The following TOP1MT variants were observed in gnomAD, a reference collection of about 807,000 sequenced individuals.
The protein encoded by TOP1MT is DNA topoisomerase I, mitochondrial.
TOP1MT carries 80 observed loss-of-function variants against 73.9 expected under a neutral mutation model. The observed-to-expected ratio is 1.08, with a 90% confidence interval of 0.90 to 1.30. The LOEUF (loss-of-function observed/expected upper bound fraction) is 1.30, where lower values mean the gene tolerates loss of function less well. Among genes scored for constraint, TOP1MT ranks in the 50% most tolerant of loss-of-function variants. The pLI, the probability that TOP1MT is intolerant of heterozygous loss-of-function variation, is 0.00. For missense variants in TOP1MT, 815 were observed against 808.0 expected (o/e 1.01, Z -0.10); for synonymous variants, 338 against 326.4 (o/e 1.04, Z -0.38).
In TOP1MT at chr8:143,324,518, C is replaced by T. The variant is rs1200763452; in HGVS notation, c.783G>A (p.Lys261=). The T allele has an allele frequency of 3.7e-6, 6 of 1,613,896 alleles. No homozygotes were observed. The highest frequency in any genetic ancestry group is 1.7e-5 in the Admixed American group (1 of 60,008). Reference sequence around the variant, plus strand: ...TCGAGCAAGGGTTCAGCATGATGTACTTGATGGAGTTCTGAACGCTCTCGG... The same window carrying T: ...TCGAGCAAGGGTTCAGCATGATGTATTTGATGGAGTTCTGAACGCTCTCGG... ...AWTESVQNSI[K]YIMLNPCSKL... The change falls in exon 6 of 14, where the codon AAG becomes AAA. Residue 261 remains lysine (K), a synonymous_variant. Transcript: ENST00000329245.
intron 7 of TOP1MT, among the ~76,000 whole-genome samples, chr8:143,323,227 C>T (rs188053473): frequency 7.6e-6 from 1 of 130,872 alleles, no homozygotes; most frequent in Admixed American, 7.7e-5. Flanking sequence ...AGGCACGCCA[C>T]ACACAGGCAC....
upstream of TOP1MT, among the ~76,000 whole-genome samples, chr8:143,336,221 C>T (rs752087993): frequency 7.9e-5 from 12 of 152,110 alleles, no homozygotes; most frequent in Non-Finnish European, 1.6e-4. Context: ...CGGCTGGTCT[C>T]GAACTCCTGG....
chr8:143,347,688 GCAGCCAGC>G (rs36222627), upstream of TOP1MT, among the ~76,000 whole-genome samples: 87,782 of 149,874 alleles, frequency 0.59, 28,503 homozygotes, highest in South Asian at 0.81. Flanking sequence ...CAGCAGGCAG[GCAGCCAGC>G]CAGCCAGCCA....
upstream of TOP1MT, among the ~76,000 whole-genome samples, chr8:143,338,135 C>T (rs995896361): frequency 3.3e-5 from 5 of 152,180 alleles, no homozygotes; most frequent in Admixed American, 1.3e-4. Context: ...TTGTCTGCAA[C>T]GTGTCCTGCT....
At chr8:143,313,978 G>A (rs1282352481) in intron 12 of TOP1MT, among the ~76,000 whole-genome samples, 2 of 152,172 alleles carry the variant, frequency 1.3e-5, no homozygotes, top group African/African-American at 4.8e-5. Flanking sequence ...GACCTGAGCA[G>A]TCATTCTCCA....
chr8:143,321,502 CA>C, intron 7 of TOP1MT, 116 bp from the exon 8 acceptor site: 1 of 667,138 alleles, frequency 1.5e-6, no homozygotes. Context: ...ACACGCACGC[CA>C]CACACACGCA....
intron 1 of TOP1MT, chr8:143,333,876 C>T (rs1203654607): frequency 1.3e-5 from 2 of 152,544 alleles, no homozygotes; most frequent in African/African-American, 4.8e-5. Context: ...CCAGAACTCC[C>T]TCCTCCCAAG....
rs1235469326 is a variant in TOP1MT, at chr8:143,341,467, G to C, written c.29+1753C>G. Among the ~76,000 whole-genome samples, 1 of 152,230 alleles carries C rather than the reference G, an allele frequency of 6.6e-6. No individual in the cohort carries two copies. Among genetic ancestry groups the C allele is most frequent in the Non-Finnish European group, 1.5e-5 (1 of 68,030 alleles). On this transcript the variant is annotated intron_variant, in intron 2 of 5. Coordinates refer to the TOP1MT transcript ENST00000518007. This position sits in a 1 kb window ranked among gnomAD's most constrained non-coding sequence, Gnocchi z 4.1. Reference sequence around the variant, plus strand: ...GCCCAGAACAGAGAGCACACACCATGAGAGGGGCCACAGGGCCACAAACAT... The same window carrying C: ...GCCCAGAACAGAGAGCACACACCATCAGAGGGGCCACAGGGCCACAAACAT...
Position 143,315,715 on chromosome 8 carries a change from A to T in TOP1MT, c.1553+12T>A, listed in dbSNP as rs757764261. 8.1e-6 allele frequency: 13 copies of T among 1,612,180 alleles called. No individual in the cohort carries two copies. The Admixed American group carries it at 2.2e-4, about 27-fold the overall frequency. ...GCCCCGGGAGAAGGCGTCTGAGGGC[A>T]CGGGTACTCACCTCCTGGACTTGCC... On this transcript the variant is annotated intron_variant, in intron 12 of 13. Coordinates refer to ENST00000329245, the MANE Select transcript of TOP1MT (RefSeq NM_052963.3).
At chr8:143,310,556 T>C (rs1815984661) in intron 12 of TOP1MT, 2 of 203,806 alleles carry the variant, frequency 9.8e-6, no homozygotes, top group Admixed American at 1.2e-4. Flanking sequence ...AACACAAATG[T>C]CCTTTAACCT....
Position 143,342,662 on chromosome 8 carries a change from GAGACAGTCTCGCTCTATTATTA to G in TOP1MT, c.29+536_29+557del, listed in dbSNP as rs1208971006. 1.9e-3 allele frequency among the ~76,000 whole-genome samples: 55 copies of G among 28,840 alleles called. 5 individuals are homozygous for G. Among genetic ancestry groups the G allele is most frequent in the African/African-American group, 2.3e-3 (14 of 6,080 alleles). The allele number at this position is 28,840 out of a possible 152,430, so 18.9% of individuals were successfully genotyped here. On this transcript the variant is annotated intron_variant, in intron 2 of 5. Transcript: ENST00000518007. ...CGCTCTATTATTATTATTATTATTA[GAGACAGTCTCGCTCTATTATTA>G]TTATTATTATTAGAGACAGAGTCTC... is the stretch of plus-strand genomic sequence containing the variant.
chr8:143,327,116 G>A (rs1816728594), intron 3 of TOP1MT, among the ~76,000 whole-genome samples: 1 of 152,218 alleles, frequency 6.6e-6, no homozygotes, highest in South Asian at 2.1e-4. Flanking sequence ...GTCCTGTGGT[G>A]CTGGGGATTC....
intron 2 of TOP1MT, 107 bp from the exon 3 acceptor site, chr8:143,329,578 G>A (rs1346577597): frequency 4.4e-6 from 6 of 1,371,372 alleles, no homozygotes; most frequent in Non-Finnish European, 4.9e-6. Context: ...ACTATGCCAA[G>A]AGCAAGAAGC....
intron 13 of TOP1MT, 100 bp downstream of exon 13, chr8:143,309,968 A>T: frequency 1.3e-6 from 2 of 1,597,186 alleles, no homozygotes; most frequent in Non-Finnish European, 8.5e-7. Context: ...ACCCCAGGGG[A>T]CACGGGACAA....
chr8:143,315,348 C>T (rs189693600), intron 12 of TOP1MT, among the ~76,000 whole-genome samples: 34 of 152,272 alleles, frequency 2.2e-4, no homozygotes, highest in South Asian at 6.2e-4. Context: ...GAAATAATGG[C>T]GTAAACTGTT....
At chr8:143,336,018 C>T (rs1816976151), upstream of TOP1MT, among the ~76,000 whole-genome samples, 1 of 152,234 alleles carries the variant, frequency 6.6e-6, no homozygotes, top group African/African-American at 2.4e-5. Context: ...GCCACCTCCT[C>T]CCAGGGGCTG....
intron 1 of TOP1MT, chr8:143,332,501 A>C (rs1177168454): frequency 7.8e-7 from 1 of 1,289,354 alleles, no homozygotes; most frequent in Non-Finnish European, 1.0e-6. Context: ...CAGAGCCAGG[A>C]GACCTGCACG....
intron 8 of TOP1MT, among the ~76,000 whole-genome samples, chr8:143,320,016 C>T (rs1036407429): frequency 3.4e-4 from 52 of 151,668 alleles, no homozygotes; most frequent in African/African-American, 1.1e-3. Context: ...CCCAGCTACT[C>T]GGGAGGCTGA....
chr8:143,336,759 GA>G (rs1457840160), upstream of TOP1MT, among the ~76,000 whole-genome samples: 14 of 152,108 alleles, frequency 9.2e-5, no homozygotes, highest in Admixed American at 9.2e-4. Context: ...AAAGCAAGTG[GA>G]TCACTTGAGC....
Sources: allele counts gnomAD v4.1 joint callset (sites outside exome capture counted in the v4.1 genomes callset), GRCh38; gene constraint gnomAD v4.1.1; non-coding constraint Gnocchi (gnomAD v3.1); transcripts MANE v1.5; gene names NCBI Gene and HGNC (gene_info 2026-07-23, HGNC 2026-07-21).